The following ZMYM2 variants were observed in gnomAD, a reference collection of about 807,000 sequenced individuals.
The protein encoded by ZMYM2 is zinc finger MYM-type containing 2.
ZMYM2 carries 56 observed loss-of-function variants against 162.8 expected under a neutral mutation model. That is an observed-to-expected ratio of 0.34 (90% CI 0.28 to 0.43). The LOEUF (loss-of-function observed/expected upper bound fraction) is 0.43. Ranked by LOEUF, ZMYM2 falls within the 20% of genes least tolerant of loss-of-function variation. The pLI is 1.00. For synonymous variants in ZMYM2, 510 were observed against 541.6 expected, an observed-to-expected ratio of 0.94 and a Z score of 0.81; for missense variants, 1,275 against 1,621.8, an observed-to-expected ratio of 0.79 and a Z score of 3.67.
intron 12 of ZMYM2, among the ~76,000 whole-genome samples, chr13:20,041,090 G>A (rs1954204459): frequency 6.6e-6 from 1 of 152,020 alleles, no homozygotes; most frequent in Non-Finnish European, 1.5e-5. Context: ...TTGTTTTGGG[G>A]TGTCCATTTG....
At chr13:19,965,238 C>T (rs1424334558) in intron 2 of ZMYM2, 6 of 1,299,468 alleles carry the variant, frequency 4.6e-6, no homozygotes, top group South Asian at 2.5e-5. Context: ...GTGTATATTA[C>T]TCTCTGCCGT....
the ZMYM2 span, among the ~76,000 whole-genome samples, chr13:19,911,983 C>A: frequency 8.3e-3 from 1,263 of 152,332 alleles, 7 homozygotes; most frequent in South Asian, 0.012. Context: ...CTATTTGGCC[C>A]CTGTGCCAGA....
chr13:19,937,466 T>TC, the ZMYM2 span, among the ~76,000 whole-genome samples: 1 of 150,364 alleles, frequency 6.7e-6, no homozygotes, highest in African/African-American at 2.4e-5. Context: ...CTTTTTTTTT[T>TC]TTTTTTTTTG....
chr13:20,010,900 A>G (rs922298167), intron 6 of ZMYM2, among the ~76,000 whole-genome samples: 1 of 152,098 alleles, frequency 6.6e-6, no homozygotes, highest in African/African-American at 2.4e-5. Context: ...CGGCCTCCCC[A>G]AGTGCTGGGA....
chr13:19,961,876 A>G (rs776532163), intron 2 of ZMYM2, among the ~76,000 whole-genome samples: 2 of 152,214 alleles, frequency 1.3e-5, no homozygotes, highest in African/African-American at 2.4e-5. Context: ...CTAAATAAGT[A>G]CTTTTATTAT....
chr13:20,051,380 G>T lies in ZMYM2; in HGVS notation c.2293-53G>T, dbSNP rs533944431. On this transcript the variant is annotated intron_variant, in intron 12 of 24. Coordinates refer to ENST00000610343, the MANE Select transcript of ZMYM2 (RefSeq NM_197968.4). ...TGGCAATAATCACTGATAAACTTCT[G>T]GAAATCTTCAAAAATAATTTGCAAT... 4 of 1,576,674 alleles carry T rather than the reference G, an allele frequency of 2.5e-6. No individual in the cohort carries two copies. In the African/African-American group the frequency reaches 4.1e-5, roughly 16 times the overall value.
intron 3 of ZMYM2, among the ~76,000 whole-genome samples, chr13:19,995,398 G>A (rs1024407835): frequency 4.6e-5 from 7 of 152,034 alleles, no homozygotes; most frequent in African/African-American, 1.2e-4. Flanking sequence ...GCATAAATAA[G>A]CAATACTTTT....
chr13:19,884,428 A>G, the ZMYM2 span, among the ~76,000 whole-genome samples: 4 of 152,182 alleles, frequency 2.6e-5, no homozygotes, highest in Non-Finnish European at 4.4e-5. Flanking sequence ...ATACAAAAAA[A>G]TAAGCCAGAC....
chr13:19,890,958 C>T, the ZMYM2 span, among the ~76,000 whole-genome samples: 1 of 151,600 alleles, frequency 6.6e-6, no homozygotes, highest in Non-Finnish European at 1.5e-5. Flanking sequence ...ACTTGATTTA[C>T]TGTTTATAAG....
At chr13:19,911,021 T>C in the ZMYM2 span, among the ~76,000 whole-genome samples, 33 of 150,328 alleles carry the variant, frequency 2.2e-4, no homozygotes, top group Non-Finnish European at 3.0e-4. Flanking sequence ...AACAGAATCG[T>C]AGCCCTTTAG....
chr13:19,917,470 A>T, the ZMYM2 span, among the ~76,000 whole-genome samples: 1 of 151,630 alleles, frequency 6.6e-6, no homozygotes, highest in African/African-American at 2.4e-5. Flanking sequence ...CACGCCTGTA[A>T]TCCCAGCTAC....
At chr13:19,925,476 T>C in the ZMYM2 span, among the ~76,000 whole-genome samples, 1 of 152,202 alleles carries the variant, frequency 6.6e-6, no homozygotes, top group Non-Finnish European at 1.5e-5. Context: ...ATTTCTGAGG[T>C]AATCTCAAGT....
chr13:20,027,008 C>G (rs918823023), intron 8 of ZMYM2, among the ~76,000 whole-genome samples, 195 bp from the exon 9 acceptor site: 1 of 151,918 alleles, frequency 6.6e-6, no homozygotes, highest in African/African-American at 2.4e-5. Context: ...TTCTCTATAT[C>G]TATGTATGTT....
At chr13:19,883,915 T>A in the ZMYM2 span, among the ~76,000 whole-genome samples, 2 of 152,142 alleles carry the variant, frequency 1.3e-5, no homozygotes, top group Non-Finnish European at 2.9e-5. Context: ...CACCCCCACA[T>A]CTGGCTAATT....
the ZMYM2 span, among the ~76,000 whole-genome samples, chr13:19,885,914 T>TGTGTGTATAC: frequency 5.3e-5 from 2 of 37,876 alleles, no homozygotes; most frequent in Non-Finnish European, 1.5e-4. Context: ...TATATGTATA[T>TGTGTGTATAC]ACACATATAT....
chr13:19,883,018 C>G, the ZMYM2 span, among the ~76,000 whole-genome samples: 104,501 of 151,972 alleles, frequency 0.69, 38,690 homozygotes, highest in East Asian at 0.89. Context: ...CATTAATGGA[C>G]GAAAGGATAA....
At chr13:19,950,912 T>C in the ZMYM2 span, among the ~76,000 whole-genome samples, 4 of 152,266 alleles carry the variant, frequency 2.6e-5, no homozygotes, top group Non-Finnish European at 5.9e-5. Context: ...AAAGCAAGCT[T>C]GTCCAACCAG....
chr13:19,884,423 A>G, the ZMYM2 span, among the ~76,000 whole-genome samples: 2 of 152,154 alleles, frequency 1.3e-5, no homozygotes, highest in Non-Finnish European at 2.9e-5. Context: ...TAACGATACA[A>G]AAAAATAAGC....
intron 20 of ZMYM2, 71 bp from the exon 21 acceptor site, chr13:20,067,168 C>A: frequency 7.1e-7 from 1 of 1,414,360 alleles, no homozygotes; most frequent in South Asian, 1.5e-5. Flanking sequence ...CAAAGAATAA[C>A]GTCAGAAAGT....
Sources: gnomAD v4.1 joint callset for allele counts (sites outside exome capture counted in the v4.1 genomes callset) on GRCh38, gnomAD v4.1.1 for gene constraint, MANE v1.5 for transcripts, NCBI Gene and HGNC (gene_info 2026-07-23, HGNC 2026-07-21) for gene names.